KCNN2: variants seen among roughly 807,000 people sequenced by gnomAD.
KCNN2 encodes the protein small conductance calcium-activated potassium channel protein 2.
Under a neutral mutation model 55.5 loss-of-function variants are expected in KCNN2, and 24 were observed. The observed-to-expected ratio is 0.43, with a 90% CI of 0.31 to 0.61. The LOEUF is 0.61. KCNN2 is among the 20% of genes least tolerant of loss of function. The probability of loss-of-function intolerance (pLI) is 0.08; values close to 1 mark genes in which losing one functional copy is unlikely to be tolerated. For missense variants in KCNN2, 754 were observed against 853.6 expected (o/e 0.88, Z 1.45); for synonymous variants, 431 against 336.1 (o/e 1.28, Z -3.09).
At chr5:114,209,007 C>T (rs1271016454) in intron 1 of KCNN2, among the ~76,000 whole-genome samples, 3 of 151,948 alleles carry the variant, frequency 2.0e-5, no homozygotes, top group East Asian at 3.9e-4. Context: ...ATCACATTCA[C>T]TCCTTATCTT....
intron 1 of KCNN2, among the ~76,000 whole-genome samples, chr5:114,074,290 TTGCGTG>T (rs1354120303): frequency 9.5e-6 from 1 of 105,178 alleles, no homozygotes; most frequent in Non-Finnish European, 1.9e-5. Context: ...AAGGCCATGT[TTGCGTG>T]TGTGTGTGTG....
At chr5:114,310,681 T>C (rs1191940245) in intron 2 of KCNN2, among the ~76,000 whole-genome samples, 2 of 152,140 alleles carry the variant, frequency 1.3e-5, no homozygotes, top group Non-Finnish European at 2.9e-5. Context: ...TAGACAGGAA[T>C]ATTTCGTAAT....
chr5:114,241,915 A>T (rs970537001), intron 2 of KCNN2, among the ~76,000 whole-genome samples: 1 of 147,996 alleles, frequency 6.8e-6, no homozygotes, highest in Non-Finnish European at 1.5e-5. Flanking sequence ...TGGACTATTA[A>T]TCTTTTAAAG....
At chr5:114,255,925 C>T (rs552122880) in intron 2 of KCNN2, among the ~76,000 whole-genome samples, 67 of 152,090 alleles carry the variant, frequency 4.4e-4, no homozygotes, top group African/African-American at 1.3e-3. Context: ...CTAGTGGTGA[C>T]GTCTGGGTTT....
Position 114,142,771 on chromosome 5 carries a change from G to A in KCNN2, c.-270-78709G>A, listed in dbSNP as rs186514316. On this transcript the variant is annotated intron_variant, in intron 1 of 10. Transcript: ENST00000512097. The stretch of plus-strand genomic sequence containing the variant: ...CTCATACATAGGAAGAATCAATATC[G>A]TGAAAATGGCCATACTGCCCAATGT... Among the ~76,000 whole-genome samples the A allele has an allele frequency of 6.3e-4, 96 of 152,252 alleles. 1 individual carries two copies. Among genetic ancestry groups the A allele is most frequent in the Admixed American group, 1.6e-3 (24 of 15,286 alleles).
chr5:114,392,743 C>T (rs1016247785), intron 2 of KCNN2, among the ~76,000 whole-genome samples: 8 of 151,266 alleles, frequency 5.3e-5, no homozygotes, highest in African/African-American at 1.9e-4. Context: ...TGACTGAATC[C>T]TAACAACACA....
chr5:114,393,947 A>G (rs1177419133), intron 2 of KCNN2, among the ~76,000 whole-genome samples: 3 of 148,598 alleles, frequency 2.0e-5, no homozygotes, highest in Admixed American at 6.7e-5. Flanking sequence ...TTTTGCTAAT[A>G]TACAAGCAAT....
At chr5:114,293,113 G>C (rs1213816287) in intron 2 of KCNN2, among the ~76,000 whole-genome samples, 1 of 152,122 alleles carries the variant, frequency 6.6e-6, no homozygotes, top group African/African-American at 2.4e-5. Flanking sequence ...GGGTTTTCTA[G>C]ATATACAATC....
rs146703252 is a variant in KCNN2, at chr5:114,378,408, C to G, written c.1218+14407C>G. ...ACATGGCTGAAAGTGTTTGTTCTAT[C>G]TTTGCATCAAAAGCTGTTTTATTCG... On this transcript the variant is annotated intron_variant, in intron 2 of 7. Coordinates refer to ENST00000673685, the MANE Select transcript of KCNN2 (RefSeq NM_021614.4). Among the ~76,000 whole-genome samples the G allele has an allele frequency of 5.3e-3, 801 of 152,292 alleles. 4 individuals are homozygous for G. Among genetic ancestry groups the G allele is most frequent in the Non-Finnish European group, 7.5e-3 (511 of 68,028 alleles).
At chr5:114,389,606 C>G (rs1372805164) in intron 2 of KCNN2, among the ~76,000 whole-genome samples, 1 of 152,130 alleles carries the variant, frequency 6.6e-6, no homozygotes, top group Non-Finnish European at 1.5e-5. Context: ...TTTAAAACAG[C>G]TTTCAAGTTT....
At chr5:114,400,410 C>T (rs892656623) in intron 2 of KCNN2, among the ~76,000 whole-genome samples, 1 of 152,198 alleles carries the variant, frequency 6.6e-6, no homozygotes, top group Non-Finnish European at 1.5e-5. Flanking sequence ...AGTAGAGCTT[C>T]CTAACTTTTA....
At chr5:114,486,093 T>C (rs1048926056) in intron 5 of KCNN2, among the ~76,000 whole-genome samples, 6 of 152,202 alleles carry the variant, frequency 3.9e-5, no homozygotes, top group African/African-American at 1.4e-4. Context: ...CTCAGCTCAT[T>C]GTTTTGTCTT....
intron 2 of KCNN2, among the ~76,000 whole-genome samples, chr5:114,277,260 GC>G (rs1363476114): frequency 1.3e-5 from 2 of 152,112 alleles, no homozygotes; most frequent in East Asian, 3.9e-4. Context: ...CTCTCTGACT[GC>G]CCTTAACATT....
intron 1 of KCNN2, among the ~76,000 whole-genome samples, chr5:114,162,711 C>G (rs1186039235): frequency 6.6e-6 from 1 of 152,124 alleles, no homozygotes; most frequent in African/African-American, 2.4e-5. Flanking sequence ...GCAGGCACCC[C>G]TCCCCCAGCC....
In KCNN2 at chr5:114,085,135, A is replaced by G. The variant is rs140099318; in HGVS notation, c.-271+28635A>G. 2.3e-3 allele frequency among the ~76,000 whole-genome samples: 351 copies of G among 151,638 alleles called. 3 individuals carry two copies. Among genetic ancestry groups the G allele is most frequent in the African/African-American group, 7.9e-3 (325 of 41,364 alleles). On this transcript the variant is annotated intron_variant, in intron 1 of 10. Transcript: ENST00000512097. The stretch of plus-strand genomic sequence containing the variant: ...TACTGTAGCTTTAGAGTAAGTTTTG[A>G]AGTCAGATAGTGTGTGTTCTTACAC...
chr5:114,061,211 A>G (rs969863376), intron 1 of KCNN2, among the ~76,000 whole-genome samples: 4 of 152,130 alleles, frequency 2.6e-5, no homozygotes, highest in African/African-American at 9.7e-5. Context: ...GGCCAGGGGG[A>G]CAGACAAATA....
chr5:114,061,773 C>T (rs1215561862), intron 1 of KCNN2, among the ~76,000 whole-genome samples: 4 of 152,154 alleles, frequency 2.6e-5, no homozygotes, highest in African/African-American at 9.7e-5. Context: ...AGGTGAGGAC[C>T]ATGATGGTTT....
chr5:114,289,666 C>T (rs766019393), intron 2 of KCNN2, among the ~76,000 whole-genome samples: 25 of 152,166 alleles, frequency 1.6e-4, no homozygotes, highest in African/African-American at 4.3e-4. Context: ...AGTAAGCCAC[C>T]GCACCTGGCC....
chr5:114,270,776 CA>C (rs1277395109), intron 2 of KCNN2, among the ~76,000 whole-genome samples: 5 of 152,156 alleles, frequency 3.3e-5, no homozygotes, highest in African/African-American at 1.2e-4. Flanking sequence ...TTGCTGACTT[CA>C]AGAATGAAGC....
Sources: allele counts gnomAD v4.1 joint callset (sites outside exome capture counted in the v4.1 genomes callset), GRCh38; gene constraint gnomAD v4.1.1; transcripts MANE v1.5; gene names NCBI Gene and HGNC (gene_info 2026-07-23, HGNC 2026-07-21).